Variants in DMXL2 observed in about 807,000 individuals in gnomAD.
The protein encoded by DMXL2 is Dmx like 2.
A neutral mutation model predicts 331.1 loss-of-function variants in DMXL2; 103 were observed. The observed-to-expected ratio is 0.31, with a 90% CI of 0.27 to 0.37. The LOEUF (loss-of-function observed/expected upper bound fraction) is 0.37. Among genes scored for constraint, DMXL2 ranks in the 10% least tolerant of loss-of-function variants. The pLI is 1.00. For synonymous variants in DMXL2, 1,281 were observed against 1,252.1 expected, an observed-to-expected ratio of 1.02 and a Z score of -0.49; for missense variants, 3,171 against 3,642.9, an observed-to-expected ratio of 0.87 and a Z score of 3.33.
chr15:51,500,611 T>G (rs189951068), intron 17 of DMXL2, among the ~76,000 whole-genome samples: 20 of 152,336 alleles, frequency 1.3e-4, no homozygotes, highest in Admixed American at 9.1e-4. Flanking sequence ...TACTATATAT[T>G]TAATCATTTT....
At chr15:51,476,273 G>A (rs1435622448) in intron 27 of DMXL2, among the ~76,000 whole-genome samples, 1 of 152,104 alleles carries the variant, frequency 6.6e-6, no homozygotes, top group African/African-American at 2.4e-5. Flanking sequence ...GTGAAAATAT[G>A]TCTGTGATTT....
Position 51,576,168 on chromosome 15 carries a change from C to T in DMXL2, c.101G>A (p.Gly34Asp). ...ATTTGCCAAAATAACAATATCACAG[C>T]CTGATCCATATGCCTAAAAAAAAAA... is the stretch of plus-strand genomic sequence containing the variant. ...GDVPFTAYGSGCDIVILANDF... is the reference protein window; with the variant it reads ...GDVPFTAYGSDCDIVILANDF... Residue 34 changes from glycine to aspartate, a missense_variant, in exon 2 of 44, where the codon GGC becomes GAC. By Grantham distance (94) the Gly-to-Asp change is moderately conservative (BLOSUM62 -1). Coordinates refer to ENST00000560891, the MANE Select transcript of DMXL2 (RefSeq NM_001378457.1). 1.0e-6 allele frequency: 1 copy of T among 956,580 alleles called. No individual in the cohort carries two copies. The highest frequency in any genetic ancestry group is 2.2e-5 in the African/African-American group (1 of 45,628). 59.3% of individuals were successfully genotyped at this position (956,580 alleles called of 1,614,324 possible). A position where few individuals can be genotyped will look rare whatever the true frequency, so the allele number is the denominator to read the frequency against.
intron 13 of DMXL2, among the ~76,000 whole-genome samples, chr15:51,518,893 G>C (rs1452880518): frequency 6.6e-6 from 1 of 152,080 alleles, no homozygotes; most frequent in Non-Finnish European, 1.5e-5. Flanking sequence ...TTTTATAGTG[G>C]AAGATACTAC....
At chr15:51,560,950 T>C (rs1251583964) in intron 6 of DMXL2, among the ~76,000 whole-genome samples, 2 of 151,300 alleles carry the variant, frequency 1.3e-5, no homozygotes, top group African/African-American at 4.8e-5. Context: ...TTATATAACA[T>C]GTTTTATATA....
At chr15:51,519,999 C>T (rs1237495756) in intron 13 of DMXL2, among the ~76,000 whole-genome samples, 1 of 152,096 alleles carries the variant, frequency 6.6e-6, no homozygotes, top group African/African-American at 2.4e-5. Flanking sequence ...TTTGAGAAAG[C>T]AGAGCAAAAT....
intron 23 of DMXL2, among the ~76,000 whole-genome samples, chr15:51,485,259 C>G (rs1018212977): frequency 6.6e-6 from 1 of 152,118 alleles, no homozygotes; most frequent in Non-Finnish European, 1.5e-5. Flanking sequence ...TTCAAATACT[C>G]CCAAATAGAT....
chr15:51,543,792 CA>C (rs887945814), intron 8 of DMXL2, among the ~76,000 whole-genome samples: 7 of 151,988 alleles, frequency 4.6e-5, no homozygotes, highest in African/African-American at 1.7e-4. Flanking sequence ...AAAAACTTGT[CA>C]AATCACTGGT....
intron 2 of DMXL2, among the ~76,000 whole-genome samples, chr15:51,571,250 T>G (rs2050650645): frequency 6.6e-6 from 1 of 152,184 alleles, no homozygotes. Context: ...CCTAAATATA[T>G]ATGCACCTAA....
intron 29 of DMXL2, among the ~76,000 whole-genome samples, chr15:51,467,709 T>C (rs8039073): frequency 0.44 from 67,297 of 151,544 alleles, 15,528 homozygotes; most frequent in Non-Finnish European, 0.5. Flanking sequence ...TTTAAGTTTA[T>C]AGCCTTGGAC....
intron 1 of DMXL2, among the ~76,000 whole-genome samples, chr15:51,586,969 T>C (rs1457800276): frequency 3.3e-5 from 4 of 120,942 alleles, no homozygotes; most frequent in East Asian, 2.8e-4. Flanking sequence ...AAAGTATTCA[T>C]TGTCAAAAAT....
chr15:51,480,068 A>G lies in DMXL2; in HGVS notation c.6636T>C (p.Ile2212=), dbSNP rs1008941388. 6.2e-7 allele frequency: 1 copy of G among 1,601,470 alleles called. No homozygotes were observed. The highest frequency in any genetic ancestry group is 8.5e-7 in the Non-Finnish European group (1 of 1,170,436). ...TAGCTATGACTGTTTTTGTTGACGC[A>G]ATACTTGCTGAAAGCAGAGGTAGGG... The part of the protein sequence containing the change: ...PTTLPLLSAS[I]ASTKTVIANP... The change falls in exon 25 of 44, where the codon ATT becomes ATC. Residue 2212 remains isoleucine (I), a synonymous_variant. Coordinates refer to ENST00000560891, the MANE Select transcript of DMXL2 (RefSeq NM_001378457.1).
chr15:51,609,875 A>G (rs2053839856), intron 1 of DMXL2, among the ~76,000 whole-genome samples: 1 of 151,920 alleles, frequency 6.6e-6, no homozygotes, highest in Non-Finnish European at 1.5e-5. Context: ...GGTTGCAGTG[A>G]GCAGAGATTG....
chr15:51,549,131 T>G (rs1162693642), intron 6 of DMXL2, among the ~76,000 whole-genome samples: 1 of 152,046 alleles, frequency 6.6e-6, no homozygotes, highest in African/African-American at 2.4e-5. Context: ...TCCTCCCTAG[T>G]CCCCAAAGTC....
At position 51,502,934 on chromosome 15, in the gene DMXL2, A is replaced by G. The variant is rs766782558; in HGVS notation, c.2864T>C (p.Met955Thr). The change falls in exon 17 of 44, where the codon ATG becomes ACG. Residue 955 changes from methionine to threonine, a missense_variant. By Grantham distance (81) the Met-to-Thr change is moderately conservative. Transcript: ENST00000560891. ...ATTGGCAATTGATGAAGAATGTGGCATGGGGCTCACACTAGGAGAGGTTTC... is the reference window on the plus strand; with the variant it reads ...ATTGGCAATTGATGAAGAATGTGGCGTGGGGCTCACACTAGGAGAGGTTTC... ...SPETSPSVSP[M>T]PHSSSIANLQ... The G allele has an allele frequency of 1.5e-5, 24 of 1,614,016 alleles. No homozygotes were observed. The highest frequency in any genetic ancestry group is 1.9e-5 in the Non-Finnish European group (23 of 1,179,984).
chr15:51,499,449 T>C lies in DMXL2; in HGVS notation c.3775A>G (p.Ile1259Val). ...PVSLSWVRDG[I>V]LVVGMDCEMH... ...TCACAATCCATTCCTACCACCAATA[T>C]CCCATCTCTTACCCAAGAGAGAGAA... The change falls in exon 18 of 44, where the codon ATA becomes GTA. Residue 1259 changes from isoleucine (I) to valine (V), a missense_variant. By Grantham distance (29) the Ile-to-Val change is conservative (BLOSUM62 3). Around this residue, in one of 7 missense-constraint regions of DMXL2, gnomAD observed 1,674 missense variants for 1,780.2 expected, o/e 0.94. Coordinates refer to ENST00000560891, the MANE Select transcript of DMXL2 (RefSeq NM_001378457.1). 6.2e-7 allele frequency: 1 copy of C among 1,613,970 alleles called. No individual in the cohort carries two copies. The highest frequency in any genetic ancestry group is 8.5e-7 in the Non-Finnish European group (1 of 1,179,998).
At chr15:51,551,931 A>C (rs2049247268) in intron 6 of DMXL2, among the ~76,000 whole-genome samples, 1 of 152,232 alleles carries the variant, frequency 6.6e-6, no homozygotes, top group Non-Finnish European at 1.5e-5. Context: ...AGGAGACTTG[A>C]CCTTGCCTGG....
rs1345451089 is a variant in DMXL2, at chr15:51,499,378, G to A, written c.3846C>T (p.Asp1282=). The A allele has an allele frequency of 3.1e-6, 5 of 1,613,882 alleles. No individual in the cohort carries two copies. The highest frequency in any genetic ancestry group is 4.2e-6 in the Non-Finnish European group (5 of 1,180,004). Residue 1282 remains aspartate, a synonymous_variant, in exon 18 of 44, where the codon GAC becomes GAT. Transcript: ENST00000560891. ...CTGCATTAGAACTATCAGCTTCAGTGTCTCCAAATTTGACAGCATGCTTCC... is the reference window on the plus strand; with the variant it reads ...CTGCATTAGAACTATCAGCTTCAGTATCTCCAAATTTGACAGCATGCTTCC... The part of the protein sequence containing the change: ...AQWKHAVKFG[D]TEADSSNAEE...
At chr15:51,550,801 G>A (rs932342805) in intron 6 of DMXL2, among the ~76,000 whole-genome samples, 2 of 151,966 alleles carry the variant, frequency 1.3e-5, no homozygotes, top group Admixed American at 6.6e-5. Context: ...TGTCACGTTG[G>A]GTAGAAAAGG....
chr15:51,579,984 T>C (rs1374377141), intron 1 of DMXL2, among the ~76,000 whole-genome samples: 1 of 152,200 alleles, frequency 6.6e-6, no homozygotes, highest in Non-Finnish European at 1.5e-5. Context: ...AGGATTCATT[T>C]GCTTCACAGT....
Sources: allele counts gnomAD v4.1 joint callset (sites outside exome capture counted in the v4.1 genomes callset), GRCh38; gene constraint gnomAD v4.1.1; regional missense constraint gnomAD v4.1.1; transcripts MANE v1.5; gene names NCBI Gene and HGNC (gene_info 2026-07-23, HGNC 2026-07-21).